The following NRCAM variants were observed in gnomAD, a reference collection of about 807,000 sequenced individuals.
NRCAM encodes the protein NgCAM-related cell adhesion molecule.
A neutral mutation model predicts 156.5 loss-of-function variants in NRCAM; 83 were observed. That is an observed-to-expected ratio of 0.53 (90% CI 0.44 to 0.64). The LOEUF is 0.64. Among genes scored for constraint, NRCAM ranks in the 30% least tolerant of loss-of-function variants. The pLI, the probability that NRCAM is intolerant of heterozygous loss-of-function variation, is 0.00. For synonymous variants in NRCAM, 538 were observed against 563.9 expected (o/e 0.95, Z 0.65); for missense variants, 1,417 against 1,597.3 (o/e 0.89, Z 1.92).
At chr7:108,335,721 T>C (rs1014715931) in intron 2 of NRCAM, among the ~76,000 whole-genome samples, 1 of 152,192 alleles carries the variant, frequency 6.6e-6, no homozygotes, top group Non-Finnish European at 1.5e-5. Context: ...CACAGAAATC[T>C]TACTGTTGCT....
chr7:108,368,224 A>ACCCCCCCCCCCCCCCCCCC (rs67897117), intron 2 of NRCAM, among the ~76,000 whole-genome samples: 126 of 91,062 alleles, frequency 1.4e-3, no homozygotes, highest in Non-Finnish European at 1.6e-3. Context: ...ACACTTTCAT[A>ACCCCCCCCCCCCCCCCCCC]CCCCCCCCCA....
In NRCAM at chr7:108,237,738, A is replaced by G; in HGVS notation, c.124+14T>C. 1 of 1,580,990 alleles carries G rather than the reference A, an allele frequency of 6.3e-7. No homozygotes were observed. The highest frequency in any genetic ancestry group is 8.6e-7 in the Non-Finnish European group (1 of 1,164,758). Reference sequence around the variant, plus strand: ...ATTTTCACACTGCCTAGTAATTTATAGAAGGACACTTACAGTCTTCAAGAA... The same window carrying G: ...ATTTTCACACTGCCTAGTAATTTATGGAAGGACACTTACAGTCTTCAAGAA... On this transcript the variant is annotated intron_variant, in intron 5 of 32. Transcript: ENST00000379028.
intron 2 of NRCAM, among the ~76,000 whole-genome samples, chr7:108,314,814 C>G (rs1002886736): frequency 3.9e-5 from 6 of 152,034 alleles, no homozygotes; most frequent in African/African-American, 1.4e-4. Context: ...CTATTACAAG[C>G]AGTATTAGGT....
intron 8 of NRCAM, 31 bp from the exon 9 acceptor site, chr7:108,226,409 T>C: frequency 6.4e-7 from 1 of 1,568,932 alleles, no homozygotes; most frequent in East Asian, 2.2e-5. Context: ...ATCAAGATTA[T>C]TCCATCATAA....
chr7:108,269,605 A>G lies in NRCAM; in HGVS notation c.-106-29435T>C, dbSNP rs929346849. On this transcript the variant is annotated intron_variant, in intron 3 of 32. Coordinates refer to ENST00000379028, the MANE Select transcript of NRCAM (RefSeq NM_001037132.4). ...TTCCCTACAGGTTACACACTCGCATATGATACAATTCTATCCAACTGGAGG... is the reference window on the plus strand; with the variant it reads ...TTCCCTACAGGTTACACACTCGCATGTGATACAATTCTATCCAACTGGAGG... Among the ~76,000 whole-genome samples the G allele has an allele frequency of 5.9e-5, 9 of 152,220 alleles. No homozygotes were observed. In the South Asian group the frequency reaches 6.2e-4, roughly 11 times the overall value.
At chr7:108,211,313 G>C (rs1333246084) in intron 11 of NRCAM, among the ~76,000 whole-genome samples, 4 of 152,114 alleles carry the variant, frequency 2.6e-5, no homozygotes, top group African/African-American at 7.2e-5. Context: ...GAGGTGTGGG[G>C]AAAATGCCAC....
Position 108,231,642 on chromosome 7 carries a change from C to T in NRCAM, c.428-489G>A, listed in dbSNP as rs62469192. On this transcript the variant is annotated intron_variant, in intron 7 of 32. Transcript: ENST00000379028. ...TTTCAGAAAATGAGCTGGTTTTAAA[C>T]ACATACATACATATCTGCCTAGGAA... Among the ~76,000 whole-genome samples the T allele has an allele frequency of 3.4e-3, 518 of 152,252 alleles. 2 individuals are homozygous for T. Among genetic ancestry groups the T allele is most frequent in the Middle Eastern group, 6.8e-3 (2 of 294 alleles).
intron 2 of NRCAM, among the ~76,000 whole-genome samples, chr7:108,359,752 C>T (rs775316418): frequency 1.1e-4 from 17 of 152,264 alleles, no homozygotes; most frequent in Middle Eastern, 3.4e-3. Flanking sequence ...ATGTACAGAT[C>T]TTCAGTGTCC....
intron 20 of NRCAM, among the ~76,000 whole-genome samples, chr7:108,185,238 C>T (rs1011196048): frequency 1.3e-5 from 2 of 152,078 alleles, no homozygotes; most frequent in African/African-American, 4.8e-5. Context: ...ATATTTAAGG[C>T]GCATACTAAA....
intron 1 of NRCAM, among the ~76,000 whole-genome samples, chr7:108,429,513 C>T (rs1446720726): frequency 6.6e-6 from 1 of 152,190 alleles, no homozygotes. Context: ...TTTAAAAATA[C>T]ACACTCCCCA....
chr7:108,361,818 TTATA>T lies in NRCAM; in HGVS notation c.-174+37614_-174+37617del, dbSNP rs1322753812. On this transcript the variant is annotated intron_variant, in intron 2 of 32. Transcript: ENST00000379028. ...ATGTGGAAATGTATAAGTATTTGCA[TTATA>T]TATGTATATGTATTACATATGTGTA... Among the ~76,000 whole-genome samples, 20 of 152,310 alleles carry T rather than the reference TTATA, an allele frequency of 1.3e-4. No homozygotes were observed. The Middle Eastern group carries it at 0.01, about 78-fold the overall frequency.
At chr7:108,338,461 A>C (rs2099231981) in intron 2 of NRCAM, among the ~76,000 whole-genome samples, 1 of 152,194 alleles carries the variant, frequency 6.6e-6, no homozygotes. Flanking sequence ...CGATTTAGGT[A>C]TACAGTTCTC....
intron 17 of NRCAM, 132 bp downstream of exon 17, chr7:108,193,892 A>C (rs2073638855): frequency 1.1e-5 from 9 of 815,122 alleles, no homozygotes; most frequent in South Asian, 3.8e-5. Context: ...GAAAATGCTT[A>C]TCTCTCTATT....
chr7:108,187,272 C>T (rs1009010424), intron 20 of NRCAM, among the ~76,000 whole-genome samples: 18 of 152,208 alleles, frequency 1.2e-4, no homozygotes, highest in Admixed American at 7.2e-4. Context: ...TCTACACACC[C>T]ACCACCGAAC....
At chr7:108,343,316 G>C (rs1003111238) in intron 2 of NRCAM, among the ~76,000 whole-genome samples, 1 of 152,184 alleles carries the variant, frequency 6.6e-6, no homozygotes, top group Non-Finnish European at 1.5e-5. Flanking sequence ...TGGAGAGAAA[G>C]GGGATTCCTA....
At chr7:108,254,155 C>T (rs959309382) in intron 3 of NRCAM, among the ~76,000 whole-genome samples, 7 of 152,080 alleles carry the variant, frequency 4.6e-5, no homozygotes, top group East Asian at 3.8e-4. Context: ...AAATTAAAAA[C>T]AGTTGCTCTT....
At chr7:108,330,884 T>C (rs1300315251) in intron 2 of NRCAM, among the ~76,000 whole-genome samples, 1 of 152,196 alleles carries the variant, frequency 6.6e-6, no homozygotes, top group African/African-American at 2.4e-5. Context: ...GGCACCAAAA[T>C]GTACACGCAG....
intron 2 of NRCAM, among the ~76,000 whole-genome samples, chr7:108,384,939 T>C (rs1047197532): frequency 6.6e-6 from 1 of 152,160 alleles, no homozygotes; most frequent in African/African-American, 2.4e-5. Context: ...CTAAACAACA[T>C]GCCAAGTGCT....
intron 27 of NRCAM, among the ~76,000 whole-genome samples, chr7:108,175,665 G>A (rs188711264): frequency 6.6e-6 from 1 of 152,118 alleles, no homozygotes; most frequent in African/African-American, 2.4e-5. Context: ...CCAATTTTTG[G>A]ATAGAAATTG....
Sources: allele counts gnomAD v4.1 joint callset (sites outside exome capture counted in the v4.1 genomes callset), GRCh38; gene constraint gnomAD v4.1.1; transcripts MANE v1.5; gene names NCBI Gene and HGNC (gene_info 2026-07-23, HGNC 2026-07-21).